Variants in SLC35A3 observed in about 807,000 individuals in gnomAD.
SLC35A3 encodes UDP-N-acetylglucosamine transporter.
Under a neutral mutation model 39.0 loss-of-function variants are expected in SLC35A3, and 26 were observed. The observed-to-expected ratio is 0.67, with a 90% CI of 0.49 to 0.92. The LOEUF (loss-of-function observed/expected upper bound fraction) is 0.92. Among genes scored for constraint, SLC35A3 ranks in the 40% least tolerant of loss-of-function variants. The pLI is 0.00. For synonymous variants in SLC35A3, 135 were observed against 133.1 expected, an observed-to-expected ratio of 1.01 and a Z score of -0.10; for missense variants, 299 against 371.6, an observed-to-expected ratio of 0.80 and a Z score of 1.61.
chr1:99,993,836 A>T (rs1273726013), intron 2 of SLC35A3, 95 bp downstream of exon 2: 1 of 1,024,636 alleles, frequency 9.8e-7, no homozygotes, highest in Non-Finnish European at 1.4e-6. Context: ...GCATTGTCGA[A>T]TGGCCTAGTA....
chr1:99,982,003 C>CT lies in SLC35A3; in HGVS notation c.-18-11515dup, dbSNP rs549298454. On this transcript the variant is annotated intron_variant, in intron 1 of 7. Transcript: ENST00000533028. ...TTACCTACACCTACAAGGATGTATT[C>CT]TTTTTTTTTTTTTTTTTTTGAGACG... Among the ~76,000 whole-genome samples the CT allele has an allele frequency of 5.8e-3, 736 of 125,820 alleles. 4 individuals carry two copies. Among genetic ancestry groups the CT allele is most frequent in the Middle Eastern group, 0.034 (8 of 236 alleles). 82.5% of individuals were successfully genotyped at this position (125,820 alleles called of 152,430 possible).
Position 100,006,400 on chromosome 1 carries a change from A to G in SLC35A3, c.343-634A>G, listed in dbSNP as rs576149842. On this transcript the variant is annotated intron_variant, in intron 3 of 7. Transcript: ENST00000533028. ...CCAGTTCTTGGGTGGCATGTGTGGC[A>G]TTGGCAGTAGCAGAAGCAGCAGTAG... 1.1e-3 allele frequency among the ~76,000 whole-genome samples: 164 copies of G among 152,242 alleles called. 1 individual carries two copies. Among genetic ancestry groups the G allele is most frequent in the Non-Finnish European group, 1.9e-3 (126 of 68,018 alleles).
chr1:100,034,951 T>G lies in SLC35A3; in HGVS notation c.*12475T>G, dbSNP rs1340739766. 1 of 152,176 alleles carries G rather than the reference T, an allele frequency of 6.6e-6. No individual in the cohort carries two copies. Among genetic ancestry groups the G allele is most frequent in the Non-Finnish European group, 1.5e-5 (1 of 68,032 alleles). 9.4% of individuals were successfully genotyped at this position (152,176 alleles called of 1,614,324 possible). On this transcript the variant is annotated 3_prime_UTR_variant, in exon 8 of 8. Transcript: ENST00000533028. ...CCAATATCCTTCCAAATAATTCCCT[T>G]TTGCTTACGTTAGCGAGTACTAGTT...
intron 1 of SLC35A3, among the ~76,000 whole-genome samples, chr1:99,978,659 G>A (rs114848265): frequency 0.016 from 2,399 of 152,250 alleles, 27 homozygotes; most frequent in Non-Finnish European, 0.024. Context: ...GAAATGTTAC[G>A]GTTAAACATT....
At position 100,027,142 on chromosome 1, in the gene SLC35A3, C is replaced by T; in HGVS notation, c.*4666C>T. The stretch of plus-strand genomic sequence containing the variant: ...TGTGATCTTTCTTCCTTTTCTCTAG[C>T]CCATATTCTAGCATGAAATACTGGG... On this transcript the variant is annotated 3_prime_UTR_variant, in exon 8 of 8. Transcript: ENST00000533028. 2.5e-6 allele frequency: 1 copy of T among 398,560 alleles called. No homozygotes were observed. Among genetic ancestry groups the T allele is most frequent in the Admixed American group, 4.4e-5 (1 of 22,718 alleles). The allele number at this position is 398,560 out of a possible 1,614,324, so 24.7% of individuals were successfully genotyped here. A position where few individuals can be genotyped will look rare whatever the true frequency, so the allele number is the denominator to read the frequency against.
At chr1:99,980,654 T>A (rs1055321105) in intron 1 of SLC35A3, among the ~76,000 whole-genome samples, 4 of 152,218 alleles carry the variant, frequency 2.6e-5, no homozygotes, top group Admixed American at 2.0e-4. Flanking sequence ...AGTAAATAGT[T>A]ACCTGACACC....
chr1:100,017,162 T>G (rs1437035226), intron 6 of SLC35A3, among the ~76,000 whole-genome samples: 1 of 152,168 alleles, frequency 6.6e-6, no homozygotes, highest in African/African-American at 2.4e-5. Context: ...AGGTAAGTTC[T>G]TTCTACAGTC....
chr1:99,980,159 T>A (rs1657374423), intron 1 of SLC35A3, among the ~76,000 whole-genome samples: 1 of 148,294 alleles, frequency 6.7e-6, no homozygotes, highest in Admixed American at 6.7e-5. Flanking sequence ...GATAACTGTA[T>A]TTTTTTTTTA....
chr1:99,997,540 AAT>A (rs1553201284), intron 2 of SLC35A3, among the ~76,000 whole-genome samples: 1 of 143,084 alleles, frequency 7.0e-6, no homozygotes, highest in Non-Finnish European at 1.5e-5. Flanking sequence ...ATTAAGATCT[AAT>A]ATATATATTA....
At chr1:99,982,891 A>G (rs1657538721) in intron 1 of SLC35A3, among the ~76,000 whole-genome samples, 1 of 152,180 alleles carries the variant, frequency 6.6e-6, no homozygotes, top group African/African-American at 2.4e-5. Flanking sequence ...GTGATTAGAA[A>G]GCAAGTTCAA....
In SLC35A3 at chr1:100,031,377, G is replaced by T. The variant is rs1200615303; in HGVS notation, c.*8901G>T. 6.6e-6 allele frequency: 1 copy of T among 152,110 alleles called. No individual in the cohort carries two copies. Among genetic ancestry groups the T allele is most frequent in the Admixed American group, 6.5e-5 (1 of 15,274 alleles). The allele number at this position is 152,110 out of a possible 1,614,324, so 9.4% of individuals were successfully genotyped here. A position where few individuals can be genotyped will look rare whatever the true frequency, so the allele number is the denominator to read the frequency against. The stretch of plus-strand genomic sequence containing the variant: ...TTTACCCCTACATACTCCAGCATGC[G>T]TGACCTAAAGATATGGACATCTTCT... On this transcript the variant is annotated 3_prime_UTR_variant, in exon 8 of 8. Coordinates refer to ENST00000533028, the MANE Select transcript of SLC35A3 (RefSeq NM_012243.3).
At chr1:99,995,912 A>G (rs1658375005) in intron 2 of SLC35A3, among the ~76,000 whole-genome samples, 1 of 152,244 alleles carries the variant, frequency 6.6e-6, no homozygotes, top group Admixed American at 6.5e-5. Flanking sequence ...CGTAATAGCC[A>G]AACTGAGATG....
chr1:99,975,872 C>T (rs1447162413), intron 1 of SLC35A3, among the ~76,000 whole-genome samples: 1 of 152,018 alleles, frequency 6.6e-6, no homozygotes, highest in Non-Finnish European at 1.5e-5. Context: ...CCAGCATGGG[C>T]AATGAAGCAA....
chr1:99,998,758 TC>T (rs1161694245), intron 2 of SLC35A3, among the ~76,000 whole-genome samples: 191 of 152,314 alleles, frequency 1.3e-3, no homozygotes, highest in African/African-American at 4.5e-3. Context: ...GTGACACAAA[TC>T]CCTATGGGTT....
At chr1:100,015,019 G>T (rs1416851930) in intron 5 of SLC35A3, among the ~76,000 whole-genome samples, 1 of 151,848 alleles carries the variant, frequency 6.6e-6, no homozygotes, top group Non-Finnish European at 1.5e-5. Context: ...TTAGCTGGGC[G>T]TGGTGGCACG....
intron 7 of SLC35A3, among the ~76,000 whole-genome samples, chr1:100,021,918 AT>A (rs1480073158): frequency 2.0e-5 from 3 of 152,208 alleles, no homozygotes; most frequent in African/African-American, 7.2e-5. Flanking sequence ...AGAATAAAAT[AT>A]TCCTTTCGTA....
intron 1 of SLC35A3, among the ~76,000 whole-genome samples, chr1:99,972,908 A>G (rs1343096549): frequency 1.3e-5 from 2 of 152,218 alleles, no homozygotes; most frequent in Non-Finnish European, 2.9e-5. Context: ...TAAGAATATT[A>G]AAGTTCAGAC....
In SLC35A3 at chr1:100,023,015, G is replaced by A. The variant is rs531621409; in HGVS notation, c.*539G>A. On this transcript the variant is annotated 3_prime_UTR_variant, in exon 8 of 8. Transcript: ENST00000533028. ...ATTACTAAATGAAGGATTGCTAAAT[G>A]TTTTTGGTTCAATTACATAAAAATT... 7 of 152,516 alleles carry A rather than the reference G, an allele frequency of 4.6e-5. No homozygotes were observed. The East Asian group carries it at 1.4e-3, about 29-fold the overall frequency. 9.4% of individuals were successfully genotyped at this position (152,516 alleles called of 1,614,324 possible).
chr1:100,016,055 A>G (rs1427043195), intron 6 of SLC35A3, among the ~76,000 whole-genome samples: 1 of 150,190 alleles, frequency 6.7e-6, no homozygotes, highest in African/African-American at 2.5e-5. Context: ...AGCAGGTAGG[A>G]TACTTCTATT....
Sources: gnomAD v4.1 joint callset for allele counts (sites outside exome capture counted in the v4.1 genomes callset) on GRCh38, gnomAD v4.1.1 for gene constraint, MANE v1.5 for transcripts, NCBI Gene and HGNC (gene_info 2026-07-23, HGNC 2026-07-21) for gene names.